Variants in GRID1 observed in about 807,000 individuals in gnomAD.
GRID1 encodes the protein glutamate receptor ionotropic, delta-1.
Under a neutral mutation model 98.0 loss-of-function variants are expected in GRID1, and 28 were observed. That is an observed-to-expected ratio of 0.29 (90% CI 0.21 to 0.39). GRID1 has a LOEUF of 0.39. Ranked by LOEUF, GRID1 falls within the 10% of genes least tolerant of loss-of-function variation. The pLI, the probability that GRID1 is intolerant of heterozygous loss-of-function variation, is 1.00. For missense variants in GRID1, 1,111 were observed against 1,340.5 expected (o/e 0.83, Z 2.67); for synonymous variants, 553 against 538.5 (o/e 1.03, Z -0.37).
In GRID1 at chr10:85,753,907, G is replaced by A. The variant is rs543529552; in HGVS notation, c.1234-24293C>T. Among the ~76,000 whole-genome samples the A allele has an allele frequency of 1.8e-4, 27 of 152,218 alleles. No homozygotes were observed. In the Middle Eastern group the frequency reaches 0.014, roughly 77 times the overall value. ...TGTAGTTTAAGCCTTTGCTTGTATG[G>A]CCCTTCTGGACACATACAAGGTCAT... is the stretch of plus-strand genomic sequence containing the variant. On this transcript the variant is annotated intron_variant, in intron 8 of 15. Transcript: ENST00000327946.
At position 86,182,460 on chromosome 10, in the gene GRID1, G is replaced by A. The variant is rs1052264718; in HGVS notation, c.520+23904C>T. ...TGGTGTCTCGGGCATGCTAATTACC[G>A]TGCTGTCTGAGTTCATCTGATCGGC... On this transcript the variant is annotated intron_variant, in intron 3 of 15. Transcript: ENST00000327946. Among the ~76,000 whole-genome samples the A allele has an allele frequency of 7.2e-5, 11 of 152,296 alleles. No homozygotes were observed. In the South Asian group the frequency reaches 1.2e-3, roughly 17 times the overall value.
intron 12 of GRID1, among the ~76,000 whole-genome samples, chr10:85,699,503 C>T (rs1401917844): frequency 6.6e-6 from 1 of 152,164 alleles, no homozygotes; most frequent in Non-Finnish European, 1.5e-5. Context: ...TTAATAAATT[C>T]CAACTTAACA....
chr10:85,738,787 C>T (rs938841562), intron 8 of GRID1, among the ~76,000 whole-genome samples: 4 of 152,110 alleles, frequency 2.6e-5, no homozygotes, highest in Admixed American at 6.5e-5. Context: ...ATGGCATTCT[C>T]GCAAAGGCAA....
At chr10:86,225,738 G>C (rs1449143935) in intron 2 of GRID1, among the ~76,000 whole-genome samples, 1 of 152,126 alleles carries the variant, frequency 6.6e-6, no homozygotes, top group Non-Finnish European at 1.5e-5. Context: ...CAGCTCTTTG[G>C]GTGACAGGAC....
At chr10:85,868,467 C>T (rs1007916698) in intron 6 of GRID1, among the ~76,000 whole-genome samples, 2 of 152,158 alleles carry the variant, frequency 1.3e-5, no homozygotes, top group Non-Finnish European at 2.9e-5. Context: ...ACCTCTGGGC[C>T]TTGGAAGGAA....
chr10:86,204,462 C>T (rs7092547), intron 3 of GRID1, among the ~76,000 whole-genome samples: 1,760 of 152,276 alleles, frequency 0.012, 43 homozygotes, highest in African/African-American at 0.037. Context: ...AGCATGTCTG[C>T]GAGAGCGTGT....
chr10:86,078,290 C>G (rs1162371161), intron 4 of GRID1, among the ~76,000 whole-genome samples: 1 of 152,256 alleles, frequency 6.6e-6, no homozygotes, highest in African/African-American at 2.4e-5. Context: ...CACAATTGAT[C>G]CATTTCTGCC....
At chr10:85,839,015 CTTTAAA>C in intron 8 of GRID1, among the ~76,000 whole-genome samples, 1 of 152,272 alleles carries the variant, frequency 6.6e-6, no homozygotes, top group East Asian at 1.9e-4. Flanking sequence ...ACAAAACAGA[CTTTAAA>C]TCAATAAAGA....
At chr10:86,284,723 C>T (rs1481874475) in intron 2 of GRID1, among the ~76,000 whole-genome samples, 5 of 152,236 alleles carry the variant, frequency 3.3e-5, no homozygotes, top group Non-Finnish European at 5.9e-5. Flanking sequence ...CCTCAGTAAA[C>T]GTGGATGCTG....
chr10:85,836,541 C>A (rs369875717), intron 8 of GRID1, among the ~76,000 whole-genome samples: 5 of 152,134 alleles, frequency 3.3e-5, no homozygotes, highest in African/African-American at 4.8e-5. Flanking sequence ...AGGAGAGGAC[C>A]CCTTGACCAT....
chr10:86,276,389 G>A (rs2132064943), intron 2 of GRID1, among the ~76,000 whole-genome samples: 1 of 152,184 alleles, frequency 6.6e-6, no homozygotes, highest in East Asian at 1.9e-4. Flanking sequence ...AATTATATCA[G>A]CAATGACTCT....
intron 4 of GRID1, among the ~76,000 whole-genome samples, chr10:86,019,634 G>T (rs1348664579): frequency 2.0e-5 from 3 of 152,258 alleles, no homozygotes; most frequent in African/African-American, 7.2e-5. Context: ...GTGGAAGTTG[G>T]CATCTCTGTC....
At chr10:85,792,417 T>C (rs1450638878) in intron 8 of GRID1, among the ~76,000 whole-genome samples, 1 of 152,026 alleles carries the variant, frequency 6.6e-6, no homozygotes, top group Non-Finnish European at 1.5e-5. Flanking sequence ...CCTTTCAATA[T>C]TTTTAAAATG....
chr10:85,939,886 T>C (rs568049251), intron 4 of GRID1, among the ~76,000 whole-genome samples: 4 of 151,810 alleles, frequency 2.6e-5, no homozygotes, highest in African/African-American at 7.2e-5. Flanking sequence ...GCCAACATGG[T>C]GAAATCCCAT....
chr10:85,969,278 G>A (rs759144673), intron 4 of GRID1, among the ~76,000 whole-genome samples: 5 of 151,936 alleles, frequency 3.3e-5, no homozygotes, highest in Non-Finnish European at 7.4e-5. Context: ...TTCCATAATT[G>A]GTAGAACAAC....
intron 2 of GRID1, among the ~76,000 whole-genome samples, chr10:86,250,895 A>C (rs187117625): frequency 0.018 from 2,779 of 152,326 alleles, 22 homozygotes; most frequent in Middle Eastern, 0.034. Context: ...GGTTTTGTCG[A>C]ATAGAAAAGG....
intron 13 of GRID1, among the ~76,000 whole-genome samples, chr10:85,630,821 A>G (rs1177174112): frequency 6.6e-6 from 1 of 152,248 alleles, no homozygotes; most frequent in Admixed American, 6.5e-5. Context: ...TAACCTTTAC[A>G]GGTGATCCTG....
intron 4 of GRID1, among the ~76,000 whole-genome samples, chr10:85,933,454 A>G (rs917047734): frequency 5.9e-5 from 9 of 152,188 alleles, no homozygotes; most frequent in Non-Finnish European, 1.0e-4. Context: ...ACTACCTAAT[A>G]TCAGGTATTC....
At chr10:85,739,244 C>T (rs1276422199) in intron 8 of GRID1, among the ~76,000 whole-genome samples, 4 of 152,010 alleles carry the variant, frequency 2.6e-5, no homozygotes, top group African/African-American at 7.3e-5. Context: ...CATGACTAAA[C>T]GATGACCTAT....
Sources: allele counts gnomAD v4.1 joint callset (sites outside exome capture counted in the v4.1 genomes callset), GRCh38; gene constraint gnomAD v4.1.1; transcripts MANE v1.5; gene names NCBI Gene and HGNC (gene_info 2026-07-23, HGNC 2026-07-21).